STK32B: variants seen among roughly 807,000 people sequenced by gnomAD.
STK32B encodes the protein serine/threonine-protein kinase 32B.
Under a neutral mutation model 52.6 loss-of-function variants are expected in STK32B, and 43 were observed. That is an observed-to-expected ratio of 0.82 (90% confidence interval 0.64 to 1.05). The LOEUF (loss-of-function observed/expected upper bound fraction) is 1.05. Ranked by LOEUF, STK32B falls within the 50% of genes least tolerant of loss-of-function variation. The pLI is 0.00. For synonymous variants in STK32B, 238 were observed against 204.3 expected (o/e 1.17, Z -1.41); for missense variants, 621 against 534.6 (o/e 1.16, Z -1.59).
chr4:5,372,306 C>A (rs139324065), intron 4 of STK32B, among the ~76,000 whole-genome samples: 143 of 152,282 alleles, frequency 9.4e-4, no homozygotes, highest in Non-Finnish European at 1.8e-3. Flanking sequence ...TTGAATCATG[C>A]TGTAGCTCTG....
intron 1 of STK32B, among the ~76,000 whole-genome samples, chr4:5,120,384 A>C (rs1714962958): frequency 6.6e-6 from 1 of 152,230 alleles, no homozygotes; most frequent in African/African-American, 2.4e-5. Flanking sequence ...GGGGGAGTGC[A>C]TCACAAGAAG....
chr4:5,327,577 T>A (rs1318402000), intron 3 of STK32B, among the ~76,000 whole-genome samples: 1 of 152,076 alleles, frequency 6.6e-6, no homozygotes, highest in Non-Finnish European at 1.5e-5. Flanking sequence ...TTTTGAGAAG[T>A]AGGTCTCAGC....
At chr4:5,358,717 A>T (rs527682248) in intron 4 of STK32B, among the ~76,000 whole-genome samples, 7 of 151,520 alleles carry the variant, frequency 4.6e-5, no homozygotes, top group African/African-American at 1.2e-4. Context: ...ACACACACAC[A>T]CACACAGGCA....
rs574019562 is a variant in STK32B at position 5,277,684 on chromosome 4, A to G, written c.261-53536A>G. On this transcript the variant is annotated intron_variant, in intron 3 of 11. Transcript: ENST00000282908. ...TGCACTTCATCATTTATAGCTGTGC[A>G]GTTCATCTTTGTATGGTTTTCATAG... is the stretch of plus-strand genomic sequence containing the variant. 4.8e-4 allele frequency among the ~76,000 whole-genome samples: 73 copies of G among 152,374 alleles called. No individual in the cohort carries two copies. The South Asian group carries it at 0.014, about 30-fold the overall frequency.
intron 6 of STK32B, among the ~76,000 whole-genome samples, chr4:5,421,442 C>G (rs528665761): frequency 1.3e-5 from 2 of 152,182 alleles, no homozygotes; most frequent in African/African-American, 4.8e-5. Context: ...CCAGGCTGGT[C>G]TTGAACTCCT....
At chr4:5,340,785 A>T (rs1293215252) in intron 4 of STK32B, among the ~76,000 whole-genome samples, 3 of 152,258 alleles carry the variant, frequency 2.0e-5, no homozygotes, top group Non-Finnish European at 4.4e-5. Flanking sequence ...ATATGTGTAT[A>T]TATGCACATG....
upstream of STK32B, among the ~76,000 whole-genome samples, chr4:5,049,434 G>A (rs757106738): frequency 6.6e-6 from 1 of 152,088 alleles, no homozygotes; most frequent in Non-Finnish European, 1.5e-5. Flanking sequence ...CAGTGCAGGC[G>A]GGCTGAGTCC....
intron 3 of STK32B, among the ~76,000 whole-genome samples, chr4:5,289,823 G>A (rs750599394): frequency 3.9e-4 from 59 of 151,022 alleles, no homozygotes; most frequent in African/African-American, 1.3e-3. Flanking sequence ...GATTACAAGC[G>A]TGATGAGCCA....
intron 1 of STK32B, among the ~76,000 whole-genome samples, chr4:5,134,488 G>C (rs564455381): frequency 6.6e-6 from 1 of 152,118 alleles, no homozygotes; most frequent in East Asian, 1.9e-4. Context: ...CCTTAATTTT[G>C]GACTTCTTAG....
chr4:5,131,802 T>C (rs1017430611), intron 1 of STK32B, among the ~76,000 whole-genome samples: 1 of 152,240 alleles, frequency 6.6e-6, no homozygotes, highest in African/African-American at 2.4e-5. Context: ...TGTCTAAAAT[T>C]GCAGCTCCTG....
At chr4:5,133,986 G>C (rs913918788) in intron 1 of STK32B, among the ~76,000 whole-genome samples, 6 of 152,092 alleles carry the variant, frequency 3.9e-5, no homozygotes, top group African/African-American at 1.4e-4. Context: ...TTTGTCCAGG[G>C]AACACCAAAC....
intron 11 of STK32B, among the ~76,000 whole-genome samples, chr4:5,480,679 C>A (rs1034285875): frequency 3.3e-5 from 5 of 151,908 alleles, no homozygotes; most frequent in African/African-American, 1.2e-4. Context: ...TGTGCTGCAC[C>A]CATTAACTCG....
chr4:5,376,997 C>A (rs1179696108), intron 4 of STK32B, among the ~76,000 whole-genome samples: 1 of 152,124 alleles, frequency 6.6e-6, no homozygotes, highest in South Asian at 2.1e-4. Flanking sequence ...CCCCTCTGAG[C>A]CCTCCCTACC....
In STK32B at chr4:5,398,821, C is replaced by CTCTGCAAAGTCCAGAG. The variant is rs376093581; in HGVS notation, c.472+587_472+602dup. On this transcript the variant is annotated intron_variant, in intron 5 of 11. Coordinates refer to ENST00000282908, the MANE Select transcript of STK32B (RefSeq NM_018401.3). The surrounding 1 kb of genome is among the most constrained non-coding windows in gnomAD (Gnocchi z 4.9). ...TTAGTAAGTCTGAGATGGGACTAGA[C>CTCTGCAAAGTCCAGAG]TCTGCAAAGTCCAGAGTCTGCAAAG... Among the ~76,000 whole-genome samples, 8,500 of 152,166 alleles carry CTCTGCAAAGTCCAGAG rather than the reference C, an allele frequency of 0.056. 711 individuals are homozygous for CTCTGCAAAGTCCAGAG. The highest frequency in any genetic ancestry group is 0.19 in the African/African-American group (7,667 of 41,410).
chr4:5,263,907 A>C (rs1330496135), intron 3 of STK32B, among the ~76,000 whole-genome samples: 1 of 152,188 alleles, frequency 6.6e-6, no homozygotes, highest in Admixed American at 6.5e-5. Context: ...CTATTCCAGA[A>C]TTTTGTATGA....
chr4:5,498,269 G>C (rs1042063671), intron 11 of STK32B, among the ~76,000 whole-genome samples: 1 of 152,212 alleles, frequency 6.6e-6, no homozygotes, highest in Non-Finnish European at 1.5e-5. Flanking sequence ...ATCAGAAACA[G>C]AGGGATATTG....
intron 3 of STK32B, among the ~76,000 whole-genome samples, chr4:5,275,355 G>T (rs59510869): frequency 0.1 from 15,929 of 152,182 alleles, 2,268 homozygotes; most frequent in African/African-American, 0.32. Flanking sequence ...TTGTTTTCCA[G>T]TCGTGATTTT....
rs182104278 is a variant in STK32B at position 5,090,586 on chromosome 4, A to G, written c.52+38671A>G. On this transcript the variant is annotated intron_variant, in intron 1 of 11. Coordinates refer to ENST00000282908, the MANE Select transcript of STK32B (RefSeq NM_018401.3). ...CACTGTGTTAGCCAGGATGGTCTCG[A>G]TCTCCTGACCTCGTGATCCACCCTC... Among the ~76,000 whole-genome samples the G allele has an allele frequency of 5.3e-4, 81 of 152,024 alleles. 1 individual carries two copies. Among genetic ancestry groups the G allele is most frequent in the Non-Finnish European group, 9.3e-4 (63 of 67,962 alleles).
At chr4:5,350,639 C>T (rs1481685559) in intron 4 of STK32B, among the ~76,000 whole-genome samples, 1 of 152,048 alleles carries the variant, frequency 6.6e-6, no homozygotes, top group Non-Finnish European at 1.5e-5. Flanking sequence ...CCTCACATAT[C>T]AATAATAACA....
Sources: allele counts gnomAD v4.1 joint callset (sites outside exome capture counted in the v4.1 genomes callset), GRCh38; gene constraint gnomAD v4.1.1; non-coding constraint Gnocchi (gnomAD v3.1); transcripts MANE v1.5; gene names NCBI Gene and HGNC (gene_info 2026-07-23, HGNC 2026-07-21).